The following ADAM28 variants were observed in gnomAD, a reference collection of about 807,000 sequenced individuals.
ADAM28 encodes ADAM metallopeptidase domain 28.
ADAM28 carries 105 observed loss-of-function variants against 101.2 expected under a neutral mutation model. The observed-to-expected ratio is 1.04, with a 90% CI of 0.89 to 1.22. The LOEUF (loss-of-function observed/expected upper bound fraction) is 1.22. Among genes scored for constraint, ADAM28 ranks in the 50% most tolerant of loss-of-function variants. The probability of loss-of-function intolerance (pLI) is 0.00; values close to 1 mark genes in which losing one functional copy is unlikely to be tolerated. For synonymous variants in ADAM28, 322 were observed against 310.6 expected (o/e 1.04, Z -0.39); for missense variants, 1,028 against 945.4 (o/e 1.09, Z -1.15).
intron 9 of ADAM28, chr8:24,325,141 C>T (rs958776628): frequency 2.0e-5 from 3 of 151,844 alleles, no homozygotes; most frequent in South Asian, 2.1e-4. Context: ...TAGTGGTTTT[C>T]TAAGGTCTCA....
chr8:24,352,070 C>T lies in ADAM28; in HGVS notation c.2244+18C>T. 1 of 1,609,756 alleles carries T rather than the reference C, an allele frequency of 6.2e-7. No homozygotes were observed. Among genetic ancestry groups the T allele is most frequent in the Non-Finnish European group, 8.5e-7 (1 of 1,176,140 alleles). On this transcript the variant is annotated intron_variant, in intron 21 of 22. Transcript: ENST00000265769. ...CCTCTTTTGTGAGTTAGCAACTTCT[C>T]TTAAATACCACCCTAGTTCAATCTC...
At chr8:24,320,055 T>C (rs902332081) in intron 6 of ADAM28, among the ~76,000 whole-genome samples, 181 bp from the exon 7 acceptor site, 18 of 152,078 alleles carry the variant, frequency 1.2e-4, no homozygotes, top group Non-Finnish European at 1.9e-4. Context: ...TCCCTTCACC[T>C]CCAAATTTAT....
intron 1 of ADAM28, among the ~76,000 whole-genome samples, chr8:24,295,016 T>C (rs1474057011): frequency 1.3e-5 from 2 of 152,180 alleles, no homozygotes; most frequent in East Asian, 1.9e-4. Context: ...GGTCTTAGAA[T>C]GTTTGCTGGG....
In ADAM28 at chr8:24,348,357, T is replaced by C. The variant is rs187909341; in HGVS notation, c.1991-1507T>C. Among the ~76,000 whole-genome samples, 4 of 152,238 alleles carry C rather than the reference T, an allele frequency of 2.6e-5. No individual in the cohort carries two copies. In the East Asian group the frequency reaches 5.8e-4, roughly 22 times the overall value. Reference sequence around the variant, plus strand: ...CTTCCCTCACCATCAACATCCCCCATTCTCGTGGAGTATTCGTTGATGGTA... The same window carrying C: ...CTTCCCTCACCATCAACATCCCCCACTCTCGTGGAGTATTCGTTGATGGTA... On this transcript the variant is annotated intron_variant, in intron 18 of 22. Coordinates refer to ENST00000265769, the MANE Select transcript of ADAM28 (RefSeq NM_014265.6).
At chr8:24,327,116 G>T (rs10087845) in intron 10 of ADAM28, among the ~76,000 whole-genome samples, 14,035 of 152,044 alleles carry the variant, frequency 0.092, 1,285 homozygotes, top group African/African-American at 0.24. Flanking sequence ...GTGTCTGTTT[G>T]CAGATGACAT....
chr8:24,351,978 T>G lies in ADAM28; in HGVS notation c.2179-9T>G, dbSNP rs1816210989. 1 of 1,613,284 alleles carries G rather than the reference T, an allele frequency of 6.2e-7. No homozygotes were observed. Among genetic ancestry groups the G allele is most frequent in the Non-Finnish European group, 8.5e-7 (1 of 1,179,546 alleles). On this transcript the variant is annotated splice_polypyrimidine_tract_variant and intron_variant, in intron 20 of 22. Coordinates refer to ENST00000265769, the MANE Select transcript of ADAM28 (RefSeq NM_014265.6). ...TGGTTCATTTTGAAATATTCGTTCT[T>G]CTTTTCAGATGAGTCAGATGAAGCC...
At chr8:24,298,574 G>T (rs1252082344) in intron 1 of ADAM28, among the ~76,000 whole-genome samples, 1 of 152,070 alleles carries the variant, frequency 6.6e-6, no homozygotes, top group Non-Finnish European at 1.5e-5. Flanking sequence ...TTTGTTAAAA[G>T]ATCAACCACA....
In ADAM28 at chr8:24,351,321, T is replaced by G. The variant is rs377458590; in HGVS notation, c.2178+11T>G. 1 of 1,612,048 alleles carries G rather than the reference T, an allele frequency of 6.2e-7. No homozygotes were observed. The highest frequency in any genetic ancestry group is 8.5e-7 in the Non-Finnish European group (1 of 1,178,214). On this transcript the variant is annotated intron_variant, in intron 20 of 22. Transcript: ENST00000265769. The stretch of plus-strand genomic sequence containing the variant: ...GTTCAACCCCAAGAGGTGAACTATA[T>G]AGTCTGGGCTGTGATTACCATGGCC...
chr8:24,345,882 C>G (rs1479541739), intron 18 of ADAM28, among the ~76,000 whole-genome samples: 1 of 152,080 alleles, frequency 6.6e-6, no homozygotes. Flanking sequence ...AAAATACATA[C>G]AGTGGAAGCT....
At chr8:24,310,335 A>C in intron 4 of ADAM28, 94 bp downstream of exon 4, 1 of 1,102,164 alleles carries the variant, frequency 9.1e-7, no homozygotes, top group Non-Finnish European at 1.3e-6. Flanking sequence ...GTGAAACTGC[A>C]TTTGTAACAT....
chr8:24,342,711 A>ATAATG (rs1814925919), intron 16 of ADAM28, among the ~76,000 whole-genome samples: 2 of 152,068 alleles, frequency 1.3e-5, no homozygotes, highest in Non-Finnish European at 2.9e-5. Context: ...TTATCACATG[A>ATAATG]CCTGGCATGG....
chr8:24,327,255 CAGAG>C (rs1418342813), intron 10 of ADAM28, among the ~76,000 whole-genome samples: 2 of 152,030 alleles, frequency 1.3e-5, no homozygotes, highest in African/African-American at 4.8e-5. Flanking sequence ...CAATAACAGA[CAGAG>C]AGCCAAATCA....
rs774767955 is a variant in ADAM28 at position 24,320,254 on chromosome 8, G to A, written c.595G>A (p.Val199Ile). ...ATTTCAGAAATTGAAAGACAGGAAG[G>A]TTCAGGAACATGAGAAATACATAGA... The part of the protein sequence containing the change: ...TKLVKLKDRK[V>I]QEHEKYIEYY... Residue 199 changes from valine (V) to isoleucine (I), a missense_variant, in exon 7 of 23, where the codon GTT becomes ATT. By Grantham distance (29) the Val-to-Ile change is conservative. Coordinates refer to ENST00000265769, the MANE Select transcript of ADAM28 (RefSeq NM_014265.6). 6.2e-7 allele frequency: 1 copy of A among 1,600,306 alleles called. No homozygotes were observed.
chr8:24,333,955 C>T (rs747514386), intron 13 of ADAM28, among the ~76,000 whole-genome samples: 1 of 152,088 alleles, frequency 6.6e-6, no homozygotes. Flanking sequence ...TCTGTAACTG[C>T]AGCATGAATG....
intron 2 of ADAM28, among the ~76,000 whole-genome samples, chr8:24,305,269 G>C (rs77288059): frequency 6.6e-6 from 1 of 151,700 alleles, no homozygotes; most frequent in Non-Finnish European, 1.5e-5. Flanking sequence ...GAAATCGTGC[G>C]TCAGTCACAG....
chr8:24,313,953 C>T (rs1448789567), intron 6 of ADAM28, among the ~76,000 whole-genome samples: 1 of 152,018 alleles, frequency 6.6e-6, no homozygotes, highest in African/African-American at 2.4e-5. Flanking sequence ...GACAGGGTTT[C>T]ACCATGTTGG....
At chr8:24,348,489 C>A (rs1269803412) in intron 18 of ADAM28, among the ~76,000 whole-genome samples, 1 of 152,134 alleles carries the variant, frequency 6.6e-6, no homozygotes, top group Non-Finnish European at 1.5e-5. Flanking sequence ...TTCTGCATTT[C>A]TGAACTTTTA....
intron 2 of ADAM28, among the ~76,000 whole-genome samples, chr8:24,300,451 C>T (rs1256237098): frequency 1.3e-5 from 2 of 152,014 alleles, no homozygotes; most frequent in South Asian, 2.1e-4. Flanking sequence ...GAGTCTCGCT[C>T]TGTCGCCCAG....
intron 5 of ADAM28, among the ~76,000 whole-genome samples, chr8:24,312,069 T>G (rs1046863294): frequency 6.6e-6 from 1 of 152,114 alleles, no homozygotes; most frequent in African/African-American, 2.4e-5. Flanking sequence ...TCACTCGCTC[T>G]CTCTCTAGAT....
Sources: allele counts gnomAD v4.1 joint callset (sites outside exome capture counted in the v4.1 genomes callset), GRCh38; gene constraint gnomAD v4.1.1; transcripts MANE v1.5; gene names NCBI Gene and HGNC (gene_info 2026-07-23, HGNC 2026-07-21).